WDFY3: variants seen among roughly 807,000 people sequenced by gnomAD.
The protein encoded by WDFY3 is WD repeat and FYVE domain containing 3.
In WDFY3, 66 loss-of-function variants were observed where a neutral mutation model predicts 409.6. The ratio of observed to expected loss-of-function variants is 0.16; its 90% CI spans 0.13 to 0.20. The LOEUF (loss-of-function observed/expected upper bound fraction) is 0.20. WDFY3 is among the 10% of genes least tolerant of loss of function. The probability of loss-of-function intolerance (pLI) is 1.00; values close to 1 mark genes in which losing one functional copy is unlikely to be tolerated. For missense variants in WDFY3, 3,031 were observed against 4,298.1 expected, an observed-to-expected ratio of 0.71 and a Z score of 8.24; for synonymous variants, 1,521 against 1,537.1, an observed-to-expected ratio of 0.99 and a Z score of 0.25.
chr4:84,763,705 CAGAT>C (rs1352119758), intron 32 of WDFY3, among the ~76,000 whole-genome samples: 2 of 151,368 alleles, frequency 1.3e-5, no homozygotes, highest in African/African-American at 2.4e-5. Context: ...GTGTATGTGT[CAGAT>C]AGATATTCAG....
chr4:84,744,328 G>T (rs1560645615), intron 36 of WDFY3, among the ~76,000 whole-genome samples: 1 of 151,584 alleles, frequency 6.6e-6, no homozygotes, highest in Non-Finnish European at 1.5e-5. Flanking sequence ...TAATCAAGAG[G>T]GCATGTCAAT....
rs56391502 is a variant in WDFY3, at chr4:84,712,374, A to T, written c.8042+785T>A. 2.4e-3 allele frequency among the ~76,000 whole-genome samples: 281 copies of T among 117,698 alleles called. 1 individual carries two copies. The highest frequency in any genetic ancestry group is 4.1e-3 in the Non-Finnish European group (236 of 57,824). The allele number at this position is 117,698 out of a possible 152,430, so 77.2% of individuals were successfully genotyped here. A position where few individuals can be genotyped will look rare whatever the true frequency, so the allele number is the denominator to read the frequency against. ...GAAACTGTCTCAAAAGAAAAAAATT[A>T]AAAAAAAAAAAAAAAAAAAAAGAAG... On this transcript the variant is annotated intron_variant, in intron 51 of 67. Transcript: ENST00000295888.
intron 40 of WDFY3, among the ~76,000 whole-genome samples, chr4:84,738,592 ATTTT>A (rs1737863930): frequency 6.7e-6 from 1 of 150,174 alleles, no homozygotes. Context: ...ACTGAGCAAG[ATTTT>A]GTTTAAAAAA....
intron 3 of WDFY3, among the ~76,000 whole-genome samples, chr4:84,887,384 A>G (rs1000526734): frequency 9.9e-5 from 15 of 152,186 alleles, no homozygotes; most frequent in African/African-American, 3.6e-4. Flanking sequence ...AGCCAATCAG[A>G]TTTTTGCAGC....
rs376378888 is a variant in WDFY3, at chr4:84,860,585, T to C, written c.7A>G (p.Met3Val). The change falls in exon 4 of 68, where the codon ATG (methionine) becomes GTG (valine). Residue 3 changes from methionine to valine, a missense_variant. Met to Val is a conservative substitution (Grantham distance 21). Transcript: ENST00000295888. ...GGCCGCCCCATGATCCTCTTCACCA[T>C]GTTCATCTTGGCTGGTTGGTGAGAC... Reference protein sequence around the residue: MNMVKRIMGRPRQ... With the variant: MNVVKRIMGRPRQ... 1.2e-6 allele frequency: 2 copies of C among 1,602,216 alleles called. No individual in the cohort carries two copies. Among genetic ancestry groups the C allele is most frequent in the Non-Finnish European group, 1.7e-6 (2 of 1,171,736 alleles).
intron 44 of WDFY3, among the ~76,000 whole-genome samples, chr4:84,729,684 A>G (rs1385185340): frequency 8.9e-5 from 2 of 22,426 alleles, no homozygotes; most frequent in Non-Finnish European, 3.7e-4. Flanking sequence ...AACTTTAATG[A>G]GTAAAAAAAA....
chr4:84,938,469 G>A (rs543274897), intron 1 of WDFY3, among the ~76,000 whole-genome samples: 2 of 152,226 alleles, frequency 1.3e-5, no homozygotes, highest in South Asian at 4.1e-4. Context: ...GCCGTCCACA[G>A]AATGACTCAT....
chr4:84,947,474 T>C (rs1773011665), intron 1 of WDFY3, among the ~76,000 whole-genome samples: 1 of 149,116 alleles, frequency 6.7e-6, no homozygotes, highest in Non-Finnish European at 1.5e-5. Flanking sequence ...ATTGTGCCAC[T>C]GCACTCCGGC....
intron 55 of WDFY3, among the ~76,000 whole-genome samples, chr4:84,702,755 A>C (rs1731250445): frequency 6.6e-6 from 1 of 152,256 alleles, no homozygotes. Flanking sequence ...GATTTTAAAA[A>C]GTCATCCAAA....
intron 3 of WDFY3, among the ~76,000 whole-genome samples, chr4:84,868,755 G>A (rs1343754571): frequency 1.3e-5 from 2 of 152,178 alleles, no homozygotes; most frequent in African/African-American, 2.4e-5. Flanking sequence ...AGCTCCCACC[G>A]CTATCTTGGG....
intron 2 of WDFY3, among the ~76,000 whole-genome samples, chr4:84,909,997 T>C (rs968106358): frequency 5.9e-5 from 9 of 152,302 alleles, no homozygotes; most frequent in East Asian, 1.9e-4. Context: ...AATTCAAAGA[T>C]ACACAGTCAG....
chr4:84,707,237 G>T (rs1379560463), intron 53 of WDFY3, among the ~76,000 whole-genome samples: 1 of 152,038 alleles, frequency 6.6e-6, no homozygotes, highest in South Asian at 2.1e-4. Context: ...GTCACTGAAT[G>T]ATTTTAAACA....
intron 2 of WDFY3, among the ~76,000 whole-genome samples, chr4:84,915,537 A>C (rs763050014): frequency 6.6e-6 from 1 of 152,186 alleles, no homozygotes. Context: ...ATGAACCCCA[A>C]AGGATTTGTT....
chr4:84,679,327 A>G, intron 64 of WDFY3, 85 bp from the exon 65 acceptor site: 3 of 1,329,212 alleles, frequency 2.3e-6, no homozygotes, highest in East Asian at 2.6e-5. Flanking sequence ...TTTTTCTCCC[A>G]GTTATAAGCC....
At chr4:84,740,919 T>C (rs1333125157) in intron 38 of WDFY3, among the ~76,000 whole-genome samples, 2 of 152,250 alleles carry the variant, frequency 1.3e-5, no homozygotes, top group African/African-American at 2.4e-5. Context: ...TGTATCTGTG[T>C]AGCATATGCT....
At chr4:84,689,574 AG>A (rs760402992) in intron 61 of WDFY3, among the ~76,000 whole-genome samples, 1 of 152,328 alleles carries the variant, frequency 6.6e-6, no homozygotes, top group African/African-American at 2.4e-5. Context: ...TATACTGAAC[AG>A]GGGTTCAATT....
At chr4:84,853,916 C>T (rs573739071) in intron 4 of WDFY3, among the ~76,000 whole-genome samples, 3 of 152,084 alleles carry the variant, frequency 2.0e-5, no homozygotes, top group Non-Finnish European at 2.9e-5. Context: ...AGGCAATGTT[C>T]GAAGGGTCCT....
Position 84,671,708 on chromosome 4 carries a change from A to T in WDFY3, c.*1160T>A, listed in dbSNP as rs1007372384. On this transcript the variant is annotated 3_prime_UTR_variant, in exon 68 of 68. Coordinates refer to ENST00000295888, the MANE Select transcript of WDFY3 (RefSeq NM_014991.6). ...AAAAATAGACATTGATACAGTATAA[A>T]TCTCACTGTTTTCAGGTAGATGACA... The T allele has an allele frequency of 1.3e-5, 2 of 152,566 alleles. No homozygotes were observed. Among genetic ancestry groups the T allele is most frequent in the African/African-American group, 4.8e-5 (2 of 41,432 alleles). The allele number at this position is 152,566 out of a possible 1,614,324, so 9.5% of individuals were successfully genotyped here. A position where few individuals can be genotyped will look rare whatever the true frequency, so the allele number is the denominator to read the frequency against.
intron 3 of WDFY3, 105 bp from the exon 4 acceptor site, chr4:84,860,727 T>C: frequency 9.8e-7 from 1 of 1,020,750 alleles, no homozygotes; most frequent in Admixed American, 4.0e-5. Flanking sequence ...GAAAATTCTG[T>C]CTAAAATATA....
Sources: allele counts gnomAD v4.1 joint callset (sites outside exome capture counted in the v4.1 genomes callset), GRCh38; gene constraint gnomAD v4.1.1; transcripts MANE v1.5; gene names NCBI Gene and HGNC (gene_info 2026-07-23, HGNC 2026-07-21).